The following IKBIP variants were observed in gnomAD, a reference collection of about 807,000 sequenced individuals.
IKBIP encodes IKBKB interacting protein, also known as inhibitor of nuclear factor kappa-B kinase-interacting protein.
Under a neutral mutation model 31.0 loss-of-function variants are expected in IKBIP, and 28 were observed. The ratio of observed to expected loss-of-function variants is 0.90; its 90% CI spans 0.67 to 1.24. The LOEUF (loss-of-function observed/expected upper bound fraction) is 1.24. Ranked by LOEUF, IKBIP falls within the 50% of genes most tolerant of loss-of-function variation. The pLI is 0.00. For synonymous variants in IKBIP, 164 were observed against 160.3 expected (o/e 1.02, Z -0.17); for missense variants, 453 against 441.9 (o/e 1.03, Z -0.23).
chr12:98,630,204 T>C lies in IKBIP; in HGVS notation c.298-3438A>G, dbSNP rs532271146. ...ATTGAGACCATCCTGGCTAACACAGTGAAACCCCATGTCTACTAAAAATAC... is the reference window on the plus strand; with the variant it reads ...ATTGAGACCATCCTGGCTAACACAGCGAAACCCCATGTCTACTAAAAATAC... On this transcript the variant is annotated intron_variant, in intron 2 of 2. Transcript: ENST00000299157. Among the ~76,000 whole-genome samples the C allele has an allele frequency of 2.9e-3, 445 of 151,586 alleles. 6 individuals are homozygous for C. Among genetic ancestry groups the C allele is most frequent in the African/African-American group, 0.01 (422 of 41,310 alleles).
chr12:98,627,202 T>G (rs557318043), intron 2 of IKBIP, among the ~76,000 whole-genome samples: 1 of 151,842 alleles, frequency 6.6e-6, no homozygotes, highest in African/African-American at 2.4e-5. Flanking sequence ...CTGTTGACCT[T>G]TAGTGATCCG....
intron 2 of IKBIP, among the ~76,000 whole-genome samples, chr12:98,628,336 T>G (rs2097616707): frequency 6.6e-6 from 1 of 152,236 alleles, no homozygotes; most frequent in African/African-American, 2.4e-5. Context: ...GCTCTCTAAA[T>G]TAGCCTACAC....
rs1042235143 is a variant in IKBIP at position 98,624,656 on chromosome 12, TAAAATA to T, written c.*1268_*1273del. On this transcript the variant is annotated 3_prime_UTR_variant, in exon 3 of 3. Coordinates refer to ENST00000299157, the MANE Select transcript of IKBIP (RefSeq NM_153687.4). ...GTTGACTACATTATATAATTTCAAA[TAAAATA>T]AAATCAATTCATAAAACAAATTTAG... 62 of 883,524 alleles carry T rather than the reference TAAAATA, an allele frequency of 7.0e-5. No homozygotes were observed. The Admixed American group carries it at 2.4e-3, about 34-fold the overall frequency. The allele number at this position is 883,524 out of a possible 1,614,324, so 54.7% of individuals were successfully genotyped here. A position where few individuals can be genotyped will look rare whatever the true frequency, so the allele number is the denominator to read the frequency against.
At chr12:98,621,860 G>A (rs1033101248), downstream of IKBIP, among the ~76,000 whole-genome samples, 2 of 151,794 alleles carry the variant, frequency 1.3e-5, no homozygotes, top group Non-Finnish European at 2.9e-5. Flanking sequence ...GACGGATCAC[G>A]AGGTCAAGAG....
intron 1 of IKBIP, among the ~76,000 whole-genome samples, chr12:98,638,557 G>A (rs149002787): frequency 1.3e-3 from 195 of 151,576 alleles, no homozygotes; most frequent in African/African-American, 4.4e-3. Flanking sequence ...TTATAGGTGT[G>A]AGCCAGAGCA....
At position 98,624,584 on chromosome 12, in the gene IKBIP, C is replaced by T. The variant is rs571440489; in HGVS notation, c.*1346G>A. ...TTCCATCAAAAACTGCATTATAAAA[C>T]TGGTAAGGTTATTGACAAAGAAACA... On this transcript the variant is annotated 3_prime_UTR_variant, in exon 3 of 3. Transcript: ENST00000299157. 8.5e-6 allele frequency: 8 copies of T among 946,154 alleles called. No individual in the cohort carries two copies. The East Asian group carries it at 9.3e-4, about 109-fold the overall frequency. The allele number at this position is 946,154 out of a possible 1,614,324, so 58.6% of individuals were successfully genotyped here.
intron 2 of IKBIP, among the ~76,000 whole-genome samples, chr12:98,633,271 C>T (rs1003160191): frequency 2.0e-5 from 3 of 152,128 alleles, no homozygotes; most frequent in African/African-American, 7.2e-5. Context: ...CCAGAATAGG[C>T]CTACATGATG....
rs749452333 is a variant in IKBIP at position 98,644,749 on chromosome 12, G to A, written c.-48C>T. 2 of 1,567,866 alleles carry A rather than the reference G, an allele frequency of 1.3e-6. No homozygotes were observed. The highest frequency in any genetic ancestry group is 1.2e-5 in the South Asian group (1 of 85,896). ...AGCCCAGGGCAGCTTCTTCACCAGG[G>A]GGAGCAGGACGTGGCCGCCTTGGCG... On this transcript the variant is annotated 5_prime_UTR_variant, in exon 1 of 3. Transcript: ENST00000299157.
At chr12:98,616,796 A>AC (rs2097606512) in intron 2 of IKBIP, among the ~76,000 whole-genome samples, 1 of 151,724 alleles carries the variant, frequency 6.6e-6, no homozygotes, top group Non-Finnish European at 1.5e-5. Flanking sequence ...TTGAACATAC[A>AC]CTTGTAGAAG....
intron 1 of IKBIP, among the ~76,000 whole-genome samples, chr12:98,634,718 T>TC (rs2097624182): frequency 6.6e-6 from 1 of 150,968 alleles, no homozygotes; most frequent in East Asian, 1.9e-4. Flanking sequence ...GCCTTTTTTT[T>TC]TTTTTTTTTG....
At chr12:98,632,761 AT>A (rs923698618) in intron 2 of IKBIP, among the ~76,000 whole-genome samples, 14 of 150,672 alleles carry the variant, frequency 9.3e-5, no homozygotes, top group Admixed American at 5.3e-4. Context: ...AGTAGCTGGG[AT>A]TACAGGCATG....
At chr12:98,614,795 GAAGT>G (rs1219012343) in intron 2 of IKBIP, among the ~76,000 whole-genome samples, 4 of 152,132 alleles carry the variant, frequency 2.6e-5, no homozygotes, top group African/African-American at 9.7e-5. Flanking sequence ...GACGACTTCA[GAAGT>G]AAGAGAATTT....
chr12:98,621,072 A>AC (rs779801998), downstream of IKBIP, among the ~76,000 whole-genome samples: 29 of 152,030 alleles, frequency 1.9e-4, 1 homozygote, highest in East Asian at 2.5e-3. Context: ...ACCTGGTGAA[A>AC]CCCCATCTCT....
chr12:98,613,700 A>T, exon 3 of IKBIP: 1 of 1,610,816 alleles, frequency 6.2e-7, no homozygotes. Context: ...CTCTCTTTGT[A>T]GTAAGTCGGT....
At chr12:98,643,487 C>T (rs749978738) in intron 1 of IKBIP, among the ~76,000 whole-genome samples, 3 of 151,046 alleles carry the variant, frequency 2.0e-5, no homozygotes, top group Admixed American at 6.6e-5. Context: ...TCCCTCCTCC[C>T]GCCAGAAAAA....
chr12:98,619,873 GAA>G (rs562387976), downstream of IKBIP, among the ~76,000 whole-genome samples: 18,984 of 68,536 alleles, frequency 0.28, 1,555 homozygotes, highest in Middle Eastern at 0.37. Context: ...CCCTTTCTCA[GAA>G]AAAAAAAAAA....
intron 1 of IKBIP, among the ~76,000 whole-genome samples, chr12:98,642,570 C>T (rs913993180): frequency 2.0e-4 from 30 of 149,684 alleles, no homozygotes; most frequent in African/African-American, 7.1e-4. Context: ...TAACATATTC[C>T]GTATTAGTAA....
intron 1 of IKBIP, among the ~76,000 whole-genome samples, chr12:98,637,585 T>C (rs949701421): frequency 5.3e-5 from 8 of 152,066 alleles, no homozygotes; most frequent in African/African-American, 9.7e-5. Flanking sequence ...ATTTTTGTAT[T>C]TTTAGTAGAG....
chr12:98,616,422 C>T (rs536569890), intron 2 of IKBIP, among the ~76,000 whole-genome samples: 5 of 152,084 alleles, frequency 3.3e-5, no homozygotes, highest in Admixed American at 2.6e-4. Flanking sequence ...AGTATTTTCT[C>T]CCATTCTATA....
Sources: gnomAD v4.1 joint callset for allele counts (sites outside exome capture counted in the v4.1 genomes callset) on GRCh38, gnomAD v4.1.1 for gene constraint, MANE v1.5 for transcripts, NCBI Gene and HGNC (gene_info 2026-07-23, HGNC 2026-07-21) for gene names.